The following KIF13A variants were observed in gnomAD, a reference collection of about 807,000 sequenced individuals.
The protein encoded by KIF13A is kinesin-like protein KIF13A.
Under a neutral mutation model 212.2 loss-of-function variants are expected in KIF13A, and 79 were observed. The observed-to-expected ratio is 0.37, with a 90% CI of 0.31 to 0.45. KIF13A has a LOEUF of 0.45. Ranked by LOEUF, KIF13A falls within the 20% of genes least tolerant of loss-of-function variation. The pLI is 1.00. For synonymous variants in KIF13A, 789 were observed against 808.6 expected, an observed-to-expected ratio of 0.98 and a Z score of 0.41; for missense variants, 1,901 against 2,209.0, an observed-to-expected ratio of 0.86 and a Z score of 2.79.
chr6:17,910,070 T>C (rs1447759993), intron 2 of KIF13A, among the ~76,000 whole-genome samples: 2 of 152,226 alleles, frequency 1.3e-5, no homozygotes, highest in Non-Finnish European at 2.9e-5. Context: ...CATACAGCCA[T>C]ACCTACATGT....
At chr6:17,905,040 G>A (rs1401471264) in intron 2 of KIF13A, among the ~76,000 whole-genome samples, 2 of 152,174 alleles carry the variant, frequency 1.3e-5, no homozygotes, top group East Asian at 1.9e-4. Flanking sequence ...CGTGGCCTAC[G>A]GGCCTCATGG....
intron 2 of KIF13A, among the ~76,000 whole-genome samples, chr6:17,939,922 G>C (rs1776801897): frequency 6.6e-6 from 1 of 151,636 alleles, no homozygotes; most frequent in African/African-American, 2.4e-5. Flanking sequence ...CGCCTATAGT[G>C]CCAGCTACTC....
intron 2 of KIF13A, among the ~76,000 whole-genome samples, chr6:17,948,707 C>T (rs995682740): frequency 6.6e-6 from 1 of 151,666 alleles, no homozygotes; most frequent in East Asian, 1.9e-4. Context: ...ATTACAGGCA[C>T]CCACCACCAT....
intron 6 of KIF13A, among the ~76,000 whole-genome samples, chr6:17,853,397 G>A (rs1467735123): frequency 6.6e-6 from 1 of 152,128 alleles, no homozygotes; most frequent in East Asian, 1.9e-4. Flanking sequence ...ACTGCTGGTG[G>A]GGGTGGAAAT....
chr6:17,924,604 C>T (rs918551818), intron 2 of KIF13A, among the ~76,000 whole-genome samples: 1 of 152,146 alleles, frequency 6.6e-6, no homozygotes, highest in Admixed American at 6.5e-5. Context: ...TTAAAGCTTA[C>T]ATTTATATTG....
chr6:17,940,248 T>C (rs1209860463), intron 2 of KIF13A, among the ~76,000 whole-genome samples: 1 of 152,056 alleles, frequency 6.6e-6, no homozygotes, highest in African/African-American at 2.4e-5. Context: ...ACAATGCTTC[T>C]TAAACTTCAA....
intron 20 of KIF13A, among the ~76,000 whole-genome samples, chr6:17,803,469 G>C (rs1762650414): frequency 6.6e-6 from 1 of 152,116 alleles, no homozygotes; most frequent in Non-Finnish European, 1.5e-5. Flanking sequence ...GGGCAGAATG[G>C]CATCTTATTC....
At chr6:17,940,705 A>G (rs1336171957) in intron 2 of KIF13A, among the ~76,000 whole-genome samples, 1 of 152,224 alleles carries the variant, frequency 6.6e-6, no homozygotes, top group Non-Finnish European at 1.5e-5. Flanking sequence ...ATATAAAAGA[A>G]GATTATTTGC....
intron 2 of KIF13A, among the ~76,000 whole-genome samples, chr6:17,957,789 G>A (rs763737154): frequency 6.6e-6 from 1 of 152,156 alleles, no homozygotes; most frequent in African/African-American, 2.4e-5. Context: ...TGAGAGCAGA[G>A]GGAAAACACA....
At position 17,794,963 on chromosome 6, in the gene KIF13A, A is replaced by C; in HGVS notation, c.2943-259T>G. ...TTTGAGAAATGCACATATGAGTGTA[A>C]CCTGCCCTATCACCTCAGAAAGTTT... On this transcript the variant is annotated intron_variant, in intron 23 of 38. Transcript: ENST00000259711. This position sits in a 1 kb window ranked among gnomAD's most constrained non-coding sequence, Gnocchi z 4.1. The C allele has an allele frequency of 2.6e-6, 1 of 377,576 alleles. No individual in the cohort carries two copies. The highest frequency in any genetic ancestry group is 4.7e-6 in the Non-Finnish European group (1 of 211,148). 23.4% of individuals were successfully genotyped at this position (377,576 alleles called of 1,614,324 possible). A position where few individuals can be genotyped will look rare whatever the true frequency, so the allele number is the denominator to read the frequency against.
Position 17,849,261 on chromosome 6 carries a change from A to G in KIF13A, c.830+116T>C. ...TTGTTGTTTTTCTTCAGCCCAGTTT[A>G]CTAAAGCTATACAGACTTTAAACAA... On this transcript the variant is annotated intron_variant, in intron 9 of 38. Transcript: ENST00000259711. The surrounding 1 kb of genome is among the most constrained non-coding windows in gnomAD (Gnocchi z 5.7). The G allele has an allele frequency of 7.4e-6, 5 of 675,408 alleles. No individual in the cohort carries two copies. The allele number at this position is 675,408 out of a possible 1,614,324, so 41.8% of individuals were successfully genotyped here. A position where few individuals can be genotyped will look rare whatever the true frequency, so the allele number is the denominator to read the frequency against.
chr6:17,964,215 C>G (rs1264374531), intron 2 of KIF13A, among the ~76,000 whole-genome samples: 5 of 152,140 alleles, frequency 3.3e-5, no homozygotes, highest in Admixed American at 3.3e-4. Context: ...TAAATCAGCT[C>G]CATCAACTCT....
chr6:17,986,143 C>T (rs1244118631), intron 2 of KIF13A, among the ~76,000 whole-genome samples: 1 of 152,146 alleles, frequency 6.6e-6, no homozygotes, highest in Middle Eastern at 3.2e-3. Flanking sequence ...ACAGGTGATT[C>T]GTGGAAACAC....
intron 2 of KIF13A, among the ~76,000 whole-genome samples, chr6:17,902,119 G>C (rs1195900055): frequency 2.0e-5 from 3 of 152,166 alleles, no homozygotes; most frequent in Non-Finnish European, 4.4e-5. Flanking sequence ...ATTTTGTTCA[G>C]TAAATATCTA....
chr6:17,987,086 G>C lies in KIF13A; in HGVS notation c.114C>G (p.His38Gln). 6.2e-7 allele frequency: 1 copy of C among 1,613,648 alleles called. No individual in the cohort carries two copies. Reference protein sequence around the residue: ...VEMEGNQTVLHPPPSNTKQGE... With the variant: ...VEMEGNQTVLQPPPSNTKQGE... ...CCTGTTTGGTGTTAGAAGGAGGAGG[G>C]TGCAGGACCGTTTGATTCCCTTCCA... is the stretch of plus-strand genomic sequence containing the variant. The change falls in exon 2 of 39, where the codon CAC becomes CAG. Residue 38 changes from histidine (H) to glutamine (Q), a missense_variant. By Grantham distance (24) the His-to-Gln change is conservative (BLOSUM62 0). This residue lies in a region of KIF13A where 506 missense variants were observed against 637.4 expected (regional missense o/e 0.79). Coordinates refer to ENST00000259711, the MANE Select transcript of KIF13A (RefSeq NM_022113.6). The surrounding 1 kb of genome is among the most constrained non-coding windows in gnomAD (Gnocchi z 7.7).
chr6:17,938,463 G>A (rs561224014), intron 2 of KIF13A, among the ~76,000 whole-genome samples: 1 of 152,106 alleles, frequency 6.6e-6, no homozygotes, highest in African/African-American at 2.4e-5. Flanking sequence ...AAGATAGAAC[G>A]GTCCTGAAAG....
Position 17,855,463 on chromosome 6 carries a change from T to C in KIF13A, c.468A>G (p.Lys156=). The C allele has an allele frequency of 1.2e-6, 2 of 1,612,734 alleles. No homozygotes were observed. Among genetic ancestry groups the C allele is most frequent in the South Asian group, 1.1e-5 (1 of 90,736 alleles). The change falls in exon 6 of 39, where the codon AAA becomes AAG. Residue 156 remains lysine, a synonymous_variant. Transcript: ENST00000259711. This position sits in a 1 kb window ranked among gnomAD's most constrained non-coding sequence, Gnocchi z 4.1. Reference sequence around the variant, plus strand: ...CTTTGGGGTCTAAAAGATCCCGAACTTTCTCATTATAAATTTCCATATAGG... The same window carrying C: ...CTTTGGGGTCTAAAAGATCCCGAACCTTCTCATTATAAATTTCCATATAGG... ...EVSYMEIYNE[K]VRDLLDPKGS...
At chr6:17,927,890 AGCACC>A (rs1420141443) in intron 2 of KIF13A, among the ~76,000 whole-genome samples, 1 of 152,196 alleles carries the variant, frequency 6.6e-6, no homozygotes, top group Non-Finnish European at 1.5e-5. Context: ...GCACCAGAGC[AGCACC>A]CCCTACACTC....
chr6:17,794,359 C>T lies in KIF13A; in HGVS notation c.3112G>A (p.Val1038Met). 5 of 1,613,632 alleles carry T rather than the reference C, an allele frequency of 3.1e-6. 1 individual carries two copies. In the South Asian group the frequency reaches 4.4e-5, roughly 14 times the overall value. The change falls in exon 25 of 39, where the codon GTG (valine) becomes ATG (methionine). Residue 1038 changes from valine to methionine, a missense_variant. By Grantham distance (21) the Val-to-Met change is conservative. This residue lies in a region of KIF13A where 168 missense variants were observed against 250.9 expected (regional missense o/e 0.67). Transcript: ENST00000259711. This position sits in a 1 kb window ranked among gnomAD's most constrained non-coding sequence, Gnocchi z 4.1. ...AGTGGCAGTGTCCCTGAATGCTGCACAGGTTTCACCGTGACTTGTACTCTA... is the reference window on the plus strand; with the variant it reads ...AGTGGCAGTGTCCCTGAATGCTGCATAGGTTTCACCGTGACTTGTACTCTA... ...SRRVQVTVKP[V>M]QHSGTLPLMV...
Sources: gnomAD v4.1 joint callset for allele counts (sites outside exome capture counted in the v4.1 genomes callset) on GRCh38, gnomAD v4.1.1 for gene constraint, gnomAD v4.1.1 regional missense constraint, Gnocchi (gnomAD v3.1) non-coding constraint, MANE v1.5 for transcripts, NCBI Gene and HGNC (gene_info 2026-07-23, HGNC 2026-07-21) for gene names.